Variants in BRWD3 observed in about 807,000 individuals in gnomAD.
BRWD3 encodes the protein bromodomain and WD repeat domain containing 3.
Under a neutral mutation model 149.7 loss-of-function variants are expected in BRWD3, and 10 were observed. That is an observed-to-expected ratio of 0.07 (90% CI 0.04 to 0.11). The LOEUF (loss-of-function observed/expected upper bound fraction) is 0.11. Among genes scored for constraint, BRWD3 ranks in the 10% least tolerant of loss-of-function variants. The pLI, the probability that BRWD3 is intolerant of heterozygous loss-of-function variation, is 1.00. For synonymous variants in BRWD3, 504 were observed against 456.7 expected (o/e 1.10, Z -1.32); for missense variants, 940 against 1,373.2 (o/e 0.68, Z 4.99).
intron 6 of BRWD3, among the ~76,000 whole-genome samples, chrX:80,789,904 C>T (rs1391926360): frequency 9.5e-6 from 1 of 105,753 alleles, no homozygotes; most frequent in Non-Finnish European, 1.9e-5. Flanking sequence ...ACCAGGCAGG[C>T]GTGGTGGCTC....
intron 12 of BRWD3, among the ~76,000 whole-genome samples, chrX:80,730,389 A>AAAAAGAAAG (rs1555972863): frequency 1.3e-5 from 1 of 77,661 alleles, no homozygotes; most frequent in African/African-American, 5.0e-5. Context: ...ATTATTTAGC[A>AAAAAGAAAG]AAAGAAAGAA....
chrX:80,739,925 G>C (rs1470478261), intron 8 of BRWD3, among the ~76,000 whole-genome samples: 7 of 112,019 alleles, frequency 6.2e-5, no homozygotes, highest in African/African-American at 1.6e-4. Context: ...ACCTTGGAAA[G>C]CCAAACCGCA....
intron 14 of BRWD3, among the ~76,000 whole-genome samples, chrX:80,726,788 T>A (rs1271252352): frequency 1.8e-5 from 2 of 110,918 alleles, no homozygotes; most frequent in Non-Finnish European, 3.8e-5. Flanking sequence ...AATCCCCTTA[T>A]GATAAGTACC....
intron 4 of BRWD3, among the ~76,000 whole-genome samples, chrX:80,799,839 C>T (rs1264487900): frequency 9.0e-6 from 1 of 111,191 alleles, no homozygotes; most frequent in East Asian, 2.8e-4. Context: ...ACTTCCTCAT[C>T]TGTAAAACAG....
chrX:80,682,147 T>C, intron 38 of BRWD3, 53 bp from the exon 39 acceptor site: 1 of 989,700 alleles, frequency 1.0e-6, no homozygotes, highest in Non-Finnish European at 1.4e-6. Flanking sequence ...GTTAGCAACA[T>C]ATTATGATAG....
intron 6 of BRWD3, among the ~76,000 whole-genome samples, chrX:80,748,726 T>C (rs1004144234): frequency 3.6e-5 from 4 of 112,037 alleles, no homozygotes; most frequent in African/African-American, 1.3e-4. Context: ...TTCAAGTCTC[T>C]ATCTTGTCTA....
At chrX:80,710,492 A>G (rs1233781637) in intron 20 of BRWD3, 2 of 385,473 alleles carry the variant, frequency 5.2e-6, no homozygotes, top group Admixed American at 6.1e-5. Context: ...CATGGTCTGC[A>G]TGCCTGAAGA....
intron 8 of BRWD3, among the ~76,000 whole-genome samples, chrX:80,736,390 G>A (rs1397128691): frequency 9.0e-6 from 1 of 111,514 alleles, no homozygotes; most frequent in Non-Finnish European, 1.9e-5. Context: ...TTTCGGTGGA[G>A]AATAAACTCA....
chrX:80,762,173 C>T (rs1195084049), intron 6 of BRWD3, among the ~76,000 whole-genome samples: 1 of 111,461 alleles, frequency 9.0e-6, no homozygotes, highest in Non-Finnish European at 1.9e-5. Flanking sequence ...CTGAGGCTCT[C>T]GGAAGTAGTT....
At chrX:80,781,034 G>A (rs772043428) in intron 6 of BRWD3, among the ~76,000 whole-genome samples, 3 of 112,268 alleles carry the variant, frequency 2.7e-5, no homozygotes, top group Admixed American at 9.4e-5. Flanking sequence ...AGAGCAACAC[G>A]TAAATATTAA....
intron 5 of BRWD3, 27 bp from the exon 6 acceptor site, chrX:80,791,979 A>G (rs1170959620): frequency 5.8e-6 from 6 of 1,031,534 alleles, no homozygotes; most frequent in Non-Finnish European, 8.1e-6. Flanking sequence ...AAGGTTGCTA[A>G]GGAATAGAGC....
intron 3 of BRWD3, among the ~76,000 whole-genome samples, 172 bp from the exon 4 acceptor site, chrX:80,808,770 G>T (rs1436960516): frequency 2.2e-5 from 2 of 92,841 alleles, no homozygotes; most frequent in East Asian, 3.9e-4. Flanking sequence ...TGGGGGGGGG[G>T]GGGAAGGGGG....
chrX:80,791,282 C>T (rs1289234110), intron 6 of BRWD3, among the ~76,000 whole-genome samples: 4 of 111,412 alleles, frequency 3.6e-5, no homozygotes, highest in African/African-American at 1.3e-4. Context: ...CACCCAGCAC[C>T]TTGGTTTTGC....
chrX:80,734,040 G>T, intron 11 of BRWD3, 78 bp downstream of exon 11: 1 of 736,482 alleles, frequency 1.4e-6, no homozygotes, highest in Non-Finnish European at 2.2e-6. Flanking sequence ...TGTTACTATG[G>T]TACAGATCAG....
At chrX:80,749,502 A>G (rs1481123308) in intron 6 of BRWD3, among the ~76,000 whole-genome samples, 3 of 110,625 alleles carry the variant, frequency 2.7e-5, no homozygotes, top group Non-Finnish European at 5.7e-5. Flanking sequence ...AAAGAAAACT[A>G]CTCCTGTTCT....
chrX:80,774,484 G>A (rs2073980452), intron 6 of BRWD3, among the ~76,000 whole-genome samples: 1 of 109,909 alleles, frequency 9.1e-6, no homozygotes, highest in African/African-American at 3.3e-5. Context: ...TCCTCACACA[G>A]TTCCTGAGTG....
At position 80,709,473 on chromosome X, in the gene BRWD3, T is replaced by A; in HGVS notation, c.2430A>T (p.Ser810=). 8.3e-7 allele frequency: 1 copy of A among 1,209,891 alleles called. No homozygotes were observed. The highest frequency in any genetic ancestry group is 1.7e-5 in the African/African-American group (1 of 57,747). Residue 810 remains serine (S), a synonymous_variant, in exon 21 of 41, where the codon TCA becomes TCT. Coordinates refer to ENST00000373275, the MANE Select transcript of BRWD3 (RefSeq NM_153252.5). ...RSNIEHNSQA[S]CQNSGVQEDS... is the part of the protein sequence containing the mutation. Reference sequence around the variant, plus strand: ...CTTCCTGTACACCTGAATTTTGACATGATGCCTGTGAATTATGCTCTATGT... The same window carrying A: ...CTTCCTGTACACCTGAATTTTGACAAGATGCCTGTGAATTATGCTCTATGT...
intron 26 of BRWD3, among the ~76,000 whole-genome samples, chrX:80,696,428 T>A (rs761577290): frequency 8.3e-4 from 90 of 108,721 alleles, no homozygotes; most frequent in Admixed American, 7.6e-3. Flanking sequence ...AGGAAGAGAT[T>A]AGCATTTCCA....
chrX:80,721,691 T>A (rs1437093624), intron 17 of BRWD3, among the ~76,000 whole-genome samples: 3 of 111,986 alleles, frequency 2.7e-5, no homozygotes, highest in Non-Finnish European at 5.6e-5. Context: ...TATTCTACTA[T>A]CTTCCTATCA....
Sources: allele counts gnomAD v4.1 joint callset (sites outside exome capture counted in the v4.1 genomes callset), GRCh38; gene constraint gnomAD v4.1.1; transcripts MANE v1.5; gene names NCBI Gene and HGNC (gene_info 2026-07-23, HGNC 2026-07-21).